The following AGMO variants were observed in gnomAD, a reference collection of about 807,000 sequenced individuals.
The protein encoded by AGMO is glyceryl-ether monooxygenase.
AGMO carries 75 observed loss-of-function variants against 60.2 expected under a neutral mutation model. The ratio of observed to expected loss-of-function variants is 1.25; its 90% CI spans 1.03 to 1.51. AGMO has a LOEUF of 1.51. AGMO is among the 40% of genes most tolerant of loss of function. The probability of loss-of-function intolerance (pLI) is 0.00; values close to 1 mark genes in which losing one functional copy is unlikely to be tolerated. For synonymous variants in AGMO, 261 were observed against 177.1 expected (o/e 1.47, Z -3.76); for missense variants, 763 against 525.5 (o/e 1.45, Z -4.42).
chr7:15,301,726 A>G (rs959165465), intron 12 of AGMO, among the ~76,000 whole-genome samples: 12 of 152,304 alleles, frequency 7.9e-5, no homozygotes, highest in Admixed American at 7.8e-4. Context: ...AAAAATGACT[A>G]TAATAATATT....
chr7:15,232,822 C>A (rs1294790609), intron 12 of AGMO, among the ~76,000 whole-genome samples: 1 of 151,606 alleles, frequency 6.6e-6, no homozygotes, highest in African/African-American at 2.4e-5. Flanking sequence ...CACACACACA[C>A]ACACAAAAAC....
intron 3 of AGMO, among the ~76,000 whole-genome samples, chr7:15,523,768 G>A (rs1244781051): frequency 6.6e-6 from 1 of 151,952 alleles, no homozygotes; most frequent in African/African-American, 2.4e-5. Flanking sequence ...AAACCACCAT[G>A]GCACATGTAT....
At chr7:15,326,581 C>T (rs746195356) in intron 12 of AGMO, among the ~76,000 whole-genome samples, 7 of 152,154 alleles carry the variant, frequency 4.6e-5, no homozygotes, top group African/African-American at 1.7e-4. Flanking sequence ...TCTGAACCCA[C>T]TGATTAATGA....
the AGMO span, among the ~76,000 whole-genome samples, chr7:15,186,600 G>A: frequency 5.9e-5 from 9 of 152,182 alleles, no homozygotes; most frequent in Admixed American, 3.3e-4. Flanking sequence ...TATAGTTGCA[G>A]AAGGAAAGAA....
chr7:15,282,065 T>TA (rs1285693001), intron 12 of AGMO, among the ~76,000 whole-genome samples: 1 of 152,010 alleles, frequency 6.6e-6, no homozygotes, highest in Admixed American at 6.6e-5. Flanking sequence ...AAAGAAATTT[T>TA]AAAAAACAAT....
the AGMO span, among the ~76,000 whole-genome samples, chr7:15,166,218 A>G: frequency 6.6e-6 from 1 of 150,954 alleles, no homozygotes; most frequent in Non-Finnish European, 1.5e-5. Context: ...AGAAGAGGAG[A>G]GCAGGCTGCT....
In AGMO at chr7:15,280,568, T is replaced by A. The variant is rs189200775; in HGVS notation, c.1264-79209A>T. ...TTTGGCAGCTCTACGGCCCCACCTATAGCTTGAAAATCCAGAATACCTCTC... is the reference window on the plus strand; with the variant it reads ...TTTGGCAGCTCTACGGCCCCACCTAAAGCTTGAAAATCCAGAATACCTCTC... On this transcript the variant is annotated intron_variant, in intron 12 of 12. Transcript: ENST00000342526. Among the ~76,000 whole-genome samples the A allele has an allele frequency of 1.1e-4, 16 of 152,232 alleles. No homozygotes were observed. In the East Asian group the frequency reaches 2.9e-3, roughly 28 times the overall value.
chr7:15,190,091 ATATT>A, the AGMO span, among the ~76,000 whole-genome samples: 2 of 314 alleles, frequency 6.4e-3, no homozygotes, highest in Non-Finnish European at 0.011. Flanking sequence ...ATATATATAT[ATATT>A]TATATATATA....
intron 3 of AGMO, among the ~76,000 whole-genome samples, chr7:15,526,628 T>C (rs948760067): frequency 1.3e-5 from 2 of 152,196 alleles, no homozygotes; most frequent in African/African-American, 4.8e-5. Context: ...TGGTCACTCA[T>C]ATTGGCTCAG....
intron 12 of AGMO, among the ~76,000 whole-genome samples, chr7:15,305,174 T>G (rs1780575198): frequency 6.7e-6 from 1 of 150,064 alleles, no homozygotes; most frequent in Non-Finnish European, 1.5e-5. Context: ...CCTTTTACCA[T>G]CCTGCTATTC....
intron 5 of AGMO, among the ~76,000 whole-genome samples, chr7:15,397,962 A>C (rs991537289): frequency 2.0e-5 from 3 of 152,204 alleles, no homozygotes; most frequent in African/African-American, 7.2e-5. Flanking sequence ...AAAATGGTGG[A>C]AAATAGAGAA....
intron 12 of AGMO, among the ~76,000 whole-genome samples, chr7:15,233,077 T>C (rs1475466040): frequency 6.6e-6 from 1 of 152,214 alleles, no homozygotes; most frequent in Non-Finnish European, 1.5e-5. Context: ...AATAGCCATG[T>C]AGGTTTGATT....
At chr7:15,216,246 G>C (rs896996177) in intron 12 of AGMO, among the ~76,000 whole-genome samples, 4 of 152,112 alleles carry the variant, frequency 2.6e-5, no homozygotes, top group Admixed American at 6.6e-5. Flanking sequence ...ACAGCAATCA[G>C]AAAGAGTATT....
intron 12 of AGMO, among the ~76,000 whole-genome samples, chr7:15,216,048 G>A (rs1345646735): frequency 1.3e-5 from 2 of 152,088 alleles, no homozygotes; most frequent in Admixed American, 6.6e-5. Flanking sequence ...AGGTGAGCCA[G>A]TCAGCTCTCA....
chr7:15,334,476 T>C (rs564780456), intron 12 of AGMO, among the ~76,000 whole-genome samples: 1 of 152,138 alleles, frequency 6.6e-6, no homozygotes, highest in Non-Finnish European at 1.5e-5. Context: ...AACAGCAATC[T>C]GTCAAAACTT....
intron 10 of AGMO, among the ~76,000 whole-genome samples, chr7:15,383,968 C>A (rs1350881641): frequency 6.6e-6 from 1 of 151,916 alleles, no homozygotes; most frequent in African/African-American, 2.4e-5. Context: ...CTGAGTCTCG[C>A]TCTGTCCCCC....
At chr7:15,407,841 G>A (rs1230151258) in intron 5 of AGMO, among the ~76,000 whole-genome samples, 2 of 151,642 alleles carry the variant, frequency 1.3e-5, no homozygotes, top group African/African-American at 2.4e-5. Context: ...ACAACAGAGT[G>A]GCATAAGAAT....
At chr7:15,361,546 A>AAAAAAAAGAAAAG (rs773705204) in intron 12 of AGMO, among the ~76,000 whole-genome samples, 2,474 of 91,440 alleles carry the variant, frequency 0.027, 316 homozygotes, top group African/African-American at 0.1. Flanking sequence ...TCTCAAAAAA[A>AAAAAAAAGAAAAG]AAAAAAAAGG....
At chr7:15,493,308 G>A (rs1360851193) in intron 3 of AGMO, among the ~76,000 whole-genome samples, 2 of 134,544 alleles carry the variant, frequency 1.5e-5, no homozygotes, top group African/African-American at 2.9e-5. Flanking sequence ...ACCCACACAC[G>A]GACACACACG....
Sources: allele counts gnomAD v4.1 joint callset (sites outside exome capture counted in the v4.1 genomes callset), GRCh38; gene constraint gnomAD v4.1.1; transcripts MANE v1.5; gene names NCBI Gene and HGNC (gene_info 2026-07-23, HGNC 2026-07-21).